Variants in RPS6KA2 observed in about 807,000 individuals in gnomAD.
RPS6KA2 encodes the protein ribosomal protein S6 kinase A2.
Under a neutral mutation model 91.8 loss-of-function variants are expected in RPS6KA2, and 42 were observed. The observed-to-expected ratio is 0.46, with a 90% CI of 0.36 to 0.59. The LOEUF is 0.59. Ranked by LOEUF, RPS6KA2 falls within the 20% of genes least tolerant of loss-of-function variation. The pLI, the probability that RPS6KA2 is intolerant of heterozygous loss-of-function variation, is 0.00. For synonymous variants in RPS6KA2, 414 were observed against 393.6 expected (o/e 1.05, Z -0.61); for missense variants, 798 against 978.5 (o/e 0.82, Z 2.46).
chr6:166,701,458 C>G, intron 2 of RPS6KA2: 5 of 1,165,740 alleles, frequency 4.3e-6, no homozygotes, highest in Non-Finnish European at 2.6e-6. Flanking sequence ...CTCTGGTGAT[C>G]CAGCGATCAT....
In RPS6KA2 at chr6:166,849,256, G is replaced by A. The variant is rs1026808997; in HGVS notation, c.123+8944C>T. On this transcript the variant is annotated intron_variant, in intron 2 of 21. Coordinates refer to the RPS6KA2 transcript ENST00000503859. This position sits in a 1 kb window ranked among gnomAD's most constrained non-coding sequence, Gnocchi z 4.9. Reference sequence around the variant, plus strand: ...GCCTAAACATGGCGTGGGTAGAGAAGTCTACGGTAACCATGCCCCATGCCT... The same window carrying A: ...GCCTAAACATGGCGTGGGTAGAGAAATCTACGGTAACCATGCCCCATGCCT... Among the ~76,000 whole-genome samples the A allele has an allele frequency of 7.9e-5, 12 of 152,230 alleles. No homozygotes were observed. Among genetic ancestry groups the A allele is most frequent in the Admixed American group, 7.2e-4 (11 of 15,290 alleles).
intron 2 of RPS6KA2, among the ~76,000 whole-genome samples, chr6:166,856,882 C>T (rs1780915479): frequency 1.3e-5 from 2 of 152,292 alleles, no homozygotes; most frequent in South Asian, 2.1e-4. Flanking sequence ...GCAAAAGCAG[C>T]GCTATCTACT....
intron 8 of RPS6KA2, among the ~76,000 whole-genome samples, chr6:166,497,794 C>T (rs1287573493): frequency 4.6e-5 from 7 of 152,214 alleles, no homozygotes; most frequent in Non-Finnish European, 2.9e-5. Flanking sequence ...ACCTTCATCC[C>T]GTCTCCTAAA....
chr6:166,682,315 T>C (rs1277178231), intron 2 of RPS6KA2, among the ~76,000 whole-genome samples: 1 of 152,204 alleles, frequency 6.6e-6, no homozygotes, highest in Non-Finnish European at 1.5e-5. Flanking sequence ...TGAGGTGTCG[T>C]AGGAAAATGG....
chr6:166,690,022 C>G (rs918341964), intron 2 of RPS6KA2, among the ~76,000 whole-genome samples: 1 of 152,192 alleles, frequency 6.6e-6, no homozygotes, highest in Non-Finnish European at 1.5e-5. Context: ...TGCACGGTCC[C>G]GCAATCCCAC....
rs1214233910 is a variant in RPS6KA2, at chr6:166,411,139, C to T, written c.*1623G>A. On this transcript the variant is annotated 3_prime_UTR_variant, in exon 21 of 21. Coordinates refer to ENST00000265678, the MANE Select transcript of RPS6KA2 (RefSeq NM_021135.6). The surrounding 1 kb of genome is among the most constrained non-coding windows in gnomAD (Gnocchi z 4.5). Reference sequence around the variant, plus strand: ...TCCACATGGATTAAAGCTTGTGAAACAAGTTTATATTTTAAGGTCTGAAAA... The same window carrying T: ...TCCACATGGATTAAAGCTTGTGAAATAAGTTTATATTTTAAGGTCTGAAAA... 6.6e-6 allele frequency: 1 copy of T among 151,530 alleles called. No homozygotes were observed. Among genetic ancestry groups the T allele is most frequent in the Non-Finnish European group, 1.5e-5 (1 of 67,960 alleles). 9.4% of individuals were successfully genotyped at this position (151,530 alleles called of 1,614,324 possible). A position where few individuals can be genotyped will look rare whatever the true frequency, so the allele number is the denominator to read the frequency against.
rs114218791 is a variant in RPS6KA2, at chr6:166,740,972, C to T, written c.123+117228G>A. ...ATTGGCAGTACCAACTGGAAATGCG[C>T]GTATGTCACGACACGGCTCCATGCC... On this transcript the variant is annotated intron_variant, in intron 2 of 21. Coordinates refer to the RPS6KA2 transcript ENST00000503859. Among the ~76,000 whole-genome samples, 593 of 152,344 alleles carry T rather than the reference C, an allele frequency of 3.9e-3. 4 individuals are homozygous for T. The highest frequency in any genetic ancestry group is 0.014 in the African/African-American group (572 of 41,570).
At chr6:166,774,947 T>G (rs1353562042) in intron 2 of RPS6KA2, among the ~76,000 whole-genome samples, 2 of 151,844 alleles carry the variant, frequency 1.3e-5, no homozygotes, top group African/African-American at 4.9e-5. Flanking sequence ...TCTTCCAGCT[T>G]TTAGGGTTGG....
intron 2 of RPS6KA2, among the ~76,000 whole-genome samples, chr6:166,654,360 C>CGAGCA (rs1284107548): frequency 6.6e-6 from 1 of 151,948 alleles, no homozygotes; most frequent in African/African-American, 2.4e-5. Flanking sequence ...ATAGCTGCAT[C>CGAGCA]GAGCATGAAA....
chr6:166,519,929 G>A (rs934684511), intron 3 of RPS6KA2, among the ~76,000 whole-genome samples: 2 of 152,210 alleles, frequency 1.3e-5, no homozygotes, highest in Non-Finnish European at 2.9e-5. Context: ...GGTGAACCAT[G>A]ATTTCTGGGT....
intron 2 of RPS6KA2, among the ~76,000 whole-genome samples, chr6:166,538,134 A>G (rs910051384): frequency 1.3e-5 from 2 of 152,182 alleles, no homozygotes; most frequent in African/African-American, 2.4e-5. Flanking sequence ...GAACAACTGT[A>G]TAAAGTAGGT....
Position 166,508,012 on chromosome 6 carries a change from GCA to G in RPS6KA2, c.459+189_459+190del, listed in dbSNP as rs958608731. 1.2e-4 allele frequency among the ~76,000 whole-genome samples: 16 copies of G among 137,186 alleles called. No individual in the cohort carries two copies. Among genetic ancestry groups the G allele is most frequent in the Admixed American group, 8.2e-4 (11 of 13,348 alleles). 90.0% of individuals were successfully genotyped at this position (137,186 alleles called of 152,430 possible). On this transcript the variant is annotated intron_variant, in intron 5 of 20. Transcript: ENST00000265678. This position sits in a 1 kb window ranked among gnomAD's most constrained non-coding sequence, Gnocchi z 4.3. ...CCCCCACCACACATCATGCACACTT[GCA>G]CACACTCACACATGTACACCTCTCC...
At chr6:166,620,337 AAT>A (rs1227603531) in intron 1 of RPS6KA2, among the ~76,000 whole-genome samples, 44 of 152,206 alleles carry the variant, frequency 2.9e-4, no homozygotes, top group African/African-American at 9.9e-4. Flanking sequence ...AAGAAGAAAC[AAT>A]TCTTTTCTCT....
chr6:166,516,734 C>T (rs879418439), intron 3 of RPS6KA2, among the ~76,000 whole-genome samples: 2 of 152,158 alleles, frequency 1.3e-5, no homozygotes, highest in Non-Finnish European at 2.9e-5. Flanking sequence ...TCGGCAGGGC[C>T]CACGGGAGAG....
rs147677029 is a variant in RPS6KA2, at chr6:166,710,671, A to G, written c.123+147529T>C. 2.0e-3 allele frequency among the ~76,000 whole-genome samples: 300 copies of G among 152,184 alleles called. 1 individual carries two copies. The highest frequency in any genetic ancestry group is 6.9e-3 in the African/African-American group (288 of 41,546). On this transcript the variant is annotated intron_variant, in intron 2 of 21. Transcript: ENST00000503859. ...AGATGGACTAGGCATGTATTTCCCT[A>G]TTCTTCCCACTAAGTACAGTTGGAA...
At chr6:166,678,688 G>T (rs1336846365) in intron 2 of RPS6KA2, among the ~76,000 whole-genome samples, 1 of 152,222 alleles carries the variant, frequency 6.6e-6, no homozygotes, top group Admixed American at 6.5e-5. Context: ...AAGCAGCAAG[G>T]TGGGGTGAGA....
intron 3 of RPS6KA2, among the ~76,000 whole-genome samples, chr6:166,525,604 A>T (rs1782998231): frequency 6.6e-6 from 1 of 152,208 alleles, no homozygotes; most frequent in Admixed American, 6.5e-5. Flanking sequence ...CAGGCACAGG[A>T]CAATCAGCCA....
chr6:166,505,515 G>C (rs921693219), intron 5 of RPS6KA2, among the ~76,000 whole-genome samples: 4 of 152,250 alleles, frequency 2.6e-5, no homozygotes, highest in African/African-American at 9.6e-5. Flanking sequence ...ATGTTATGGA[G>C]ACTACAAGTC....
intron 1 of RPS6KA2, among the ~76,000 whole-genome samples, chr6:166,601,963 A>G (rs1424256915): frequency 1.3e-5 from 2 of 152,246 alleles, no homozygotes; most frequent in East Asian, 3.8e-4. Flanking sequence ...TAGCATTTAC[A>G]ATGCATGTAA....
Sources: gnomAD v4.1 joint callset for allele counts (sites outside exome capture counted in the v4.1 genomes callset) on GRCh38, gnomAD v4.1.1 for gene constraint, Gnocchi (gnomAD v3.1) non-coding constraint, MANE v1.5 for transcripts, NCBI Gene and HGNC (gene_info 2026-07-23, HGNC 2026-07-21) for gene names.